Variants in TRHDE observed in about 807,000 individuals in gnomAD.
TRHDE encodes the protein thyrotropin releasing hormone degrading enzyme, also known as thyrotropin-releasing hormone-degrading ectoenzyme.
In TRHDE, 72 loss-of-function variants were observed where a neutral mutation model predicts 125.7. The ratio of observed to expected loss-of-function variants is 0.57; its 90% CI spans 0.47 to 0.70. The LOEUF (loss-of-function observed/expected upper bound fraction) is 0.70, where lower values mean the gene tolerates loss of function less well. Ranked by LOEUF, TRHDE falls within the 30% of genes least tolerant of loss-of-function variation. TRHDE has a pLI of 0.00. For missense variants in TRHDE, 1,110 were observed against 1,327.1 expected, an observed-to-expected ratio of 0.84 and a Z score of 2.54; for synonymous variants, 509 against 509.1, an observed-to-expected ratio of 1.00 and a Z score of 0.00.
At chr12:72,183,442 AGATAT>A (rs1374304069) in intron 2 of TRHDE, among the ~76,000 whole-genome samples, 2 of 152,230 alleles carry the variant, frequency 1.3e-5, no homozygotes, top group African/African-American at 4.8e-5. Flanking sequence ...TCTTTAGATA[AGATAT>A]AATTCCCCAG....
chr12:72,511,972 A>G (rs1010831335), intron 6 of TRHDE, among the ~76,000 whole-genome samples: 5 of 152,156 alleles, frequency 3.3e-5, no homozygotes, highest in African/African-American at 1.2e-4. Flanking sequence ...TTTGTGTCAC[A>G]TTGTATTGTT....
At chr12:72,514,332 C>T (rs190241959) in intron 6 of TRHDE, among the ~76,000 whole-genome samples, 182 of 151,900 alleles carry the variant, frequency 1.2e-3, no homozygotes, top group African/African-American at 4.2e-3. Flanking sequence ...TGACTTAGAC[C>T]ATAAAATAAT....
chr12:72,406,525 G>T (rs2135808701), intron 3 of TRHDE, among the ~76,000 whole-genome samples: 1 of 152,188 alleles, frequency 6.6e-6, no homozygotes, highest in African/African-American at 2.4e-5. Flanking sequence ...GGATCTTTTT[G>T]GTGAGGGTGA....
intron 2 of TRHDE, among the ~76,000 whole-genome samples, chr12:72,198,959 G>GAA (rs1317296453): frequency 1.3e-5 from 2 of 151,148 alleles, no homozygotes; most frequent in South Asian, 2.1e-4. Flanking sequence ...GAGAGAGAGA[G>GAA]AAACAGAGAG....
intron 2 of TRHDE, among the ~76,000 whole-genome samples, chr12:72,110,378 A>G (rs956508201): frequency 6.6e-6 from 1 of 152,078 alleles, no homozygotes; most frequent in Non-Finnish European, 1.5e-5. Context: ...GAGTTTAAAT[A>G]ACATGTGGAT....
At chr12:72,492,568 T>G (rs1006417231) in intron 5 of TRHDE, among the ~76,000 whole-genome samples, 1 of 151,916 alleles carries the variant, frequency 6.6e-6, no homozygotes, top group Non-Finnish European at 1.5e-5. Context: ...TATATTTACT[T>G]TTTTTCAACT....
At chr12:72,170,152 C>T (rs1176082126) in intron 2 of TRHDE, among the ~76,000 whole-genome samples, 1 of 151,986 alleles carries the variant, frequency 6.6e-6, no homozygotes, top group African/African-American at 2.4e-5. Flanking sequence ...CTAGTATAGC[C>T]CATTTAAGGG....
At chr12:72,548,191 T>C (rs1869511559) in intron 7 of TRHDE, among the ~76,000 whole-genome samples, 2 of 151,806 alleles carry the variant, frequency 1.3e-5, no homozygotes, top group Non-Finnish European at 1.5e-5. Context: ...TTCTGTGTGG[T>C]ACCTGGAGTA....
At chr12:72,183,453 C>G (rs538713532) in intron 2 of TRHDE, among the ~76,000 whole-genome samples, 55 of 152,062 alleles carry the variant, frequency 3.6e-4, no homozygotes, top group African/African-American at 1.3e-3. Flanking sequence ...GATATAATTC[C>G]CCAGAATTGC....
chr12:72,449,224 A>G lies in TRHDE; in HGVS notation c.1316-20534A>G, dbSNP rs12425053. Among the ~76,000 whole-genome samples, 1,340 of 152,164 alleles carry G rather than the reference A, an allele frequency of 8.8e-3. 70 individuals are homozygous for G. The highest frequency in any genetic ancestry group is 0.078 in the Admixed American group (1,190 of 15,216). On this transcript the variant is annotated intron_variant, in intron 3 of 18. Coordinates refer to ENST00000261180, the MANE Select transcript of TRHDE (RefSeq NM_013381.3). ...AAATTTATGTTTGAAATAGAGGTCT[A>G]ACTAAATTTTTATATAAACTCATTG...
At chr12:72,523,715 T>C (rs1463937919) in intron 6 of TRHDE, among the ~76,000 whole-genome samples, 1 of 152,194 alleles carries the variant, frequency 6.6e-6, no homozygotes, top group Non-Finnish European at 1.5e-5. Flanking sequence ...AATGAATTTC[T>C]TACATGGGCT....
At chr12:72,105,381 C>T (rs867455778) in intron 1 of TRHDE, among the ~76,000 whole-genome samples, 1 of 152,016 alleles carries the variant, frequency 6.6e-6, no homozygotes, top group African/African-American at 2.4e-5. Context: ...GGATTAAATG[C>T]AGGGCAATGG....
Position 72,380,734 on chromosome 12 carries a change from G to GCTTCCTTCCTTCCTTC in TRHDE, c.1315+2629_1315+2644dup, listed in dbSNP as rs1227111391. On this transcript the variant is annotated intron_variant, in intron 3 of 18. Transcript: ENST00000261180. ...TCCTTCCTTCCTTCCTTCCTTCCTT[G>GCTTCCTTCCTTCCTTC]CTTCCTTCCTTCCTTCCTTCCTTCC... 1.1e-4 allele frequency among the ~76,000 whole-genome samples: 9 copies of GCTTCCTTCCTTCCTTC among 82,138 alleles called. No individual in the cohort carries two copies. The East Asian group carries it at 2.7e-3, about 25-fold the overall frequency. The allele number at this position is 82,138 out of a possible 152,430, so 53.9% of individuals were successfully genotyped here.
chr12:72,405,129 T>C (rs1288940791), intron 3 of TRHDE, among the ~76,000 whole-genome samples: 1 of 152,196 alleles, frequency 6.6e-6, no homozygotes, highest in Non-Finnish European at 1.5e-5. Context: ...ACTTAATCCT[T>C]ATCATTAGCT....
At chr12:72,143,197 C>T (rs1007092980) in intron 2 of TRHDE, among the ~76,000 whole-genome samples, 4 of 152,188 alleles carry the variant, frequency 2.6e-5, no homozygotes, top group African/African-American at 9.7e-5. Context: ...CCTGCATGCT[C>T]CCTATCCCAC....
intron 15 of TRHDE, among the ~76,000 whole-genome samples, chr12:72,627,764 C>G (rs1178312932): frequency 6.6e-6 from 1 of 151,688 alleles, no homozygotes; most frequent in East Asian, 1.9e-4. Flanking sequence ...ACTTCACCCT[C>G]AAACTCCTAG....
At chr12:72,250,842 A>ATATATATATATG in intron 2 of TRHDE, among the ~76,000 whole-genome samples, 1 of 133,508 alleles carries the variant, frequency 7.5e-6, no homozygotes, top group East Asian at 2.0e-4. Flanking sequence ...TTACAGATAT[A>ATATATATATATG]TATATATATA....
chr12:72,139,971 C>T (rs902333324), intron 2 of TRHDE: 1 of 152,186 alleles, frequency 6.6e-6, no homozygotes, highest in African/African-American at 2.4e-5. Flanking sequence ...ATGGCAATAA[C>T]ATACCAACGT....
rs934462938 is a variant in TRHDE at position 72,591,627 on chromosome 12, T to C, written c.2321+16085T>C. Among the ~76,000 whole-genome samples the C allele has an allele frequency of 2.8e-5, 4 of 144,306 alleles. No homozygotes were observed. The East Asian group carries it at 8.2e-4, about 30-fold the overall frequency. 94.7% of individuals were successfully genotyped at this position (144,306 alleles called of 152,430 possible). The stretch of plus-strand genomic sequence containing the variant: ...TGAATTATTCATCAATTTCTAAGGA[T>C]ATGGGTTTTTTTTTTTTTTTGCTAT... On this transcript the variant is annotated intron_variant, in intron 12 of 18. Coordinates refer to ENST00000261180, the MANE Select transcript of TRHDE (RefSeq NM_013381.3).
Sources: gnomAD v4.1 joint callset for allele counts (sites outside exome capture counted in the v4.1 genomes callset) on GRCh38, gnomAD v4.1.1 for gene constraint, MANE v1.5 for transcripts, NCBI Gene and HGNC (gene_info 2026-07-23, HGNC 2026-07-21) for gene names.